The following PROK2 variants were observed in gnomAD, a reference collection of about 807,000 sequenced individuals.
PROK2 encodes the protein prokineticin-2.
In PROK2, 8 loss-of-function variants were observed where a neutral mutation model predicts 14.2. The ratio of observed to expected loss-of-function variants is 0.56; its 90% confidence interval spans 0.33 to 1.02. PROK2 has a LOEUF of 1.02. Among genes scored for constraint, PROK2 ranks in the 50% least tolerant of loss-of-function variants. PROK2 has a pLI of 0.03. For synonymous variants in PROK2, 59 were observed against 60.7 expected (o/e 0.97, Z 0.13); for missense variants, 154 against 160.4 (o/e 0.96, Z 0.22).
chr3:71,784,756 C>T (rs2050198034), intron 1 of PROK2, among the ~76,000 whole-genome samples: 1 of 152,208 alleles, frequency 6.6e-6, no homozygotes, highest in Non-Finnish European at 1.5e-5. Flanking sequence ...TCTTCCAGGA[C>T]GCGCCCAGTG....
chr3:71,776,574 T>C (rs1392299868), intron 2 of PROK2, among the ~76,000 whole-genome samples: 3 of 151,996 alleles, frequency 2.0e-5, no homozygotes, highest in African/African-American at 7.3e-5. Context: ...GACAGGGTTT[T>C]GCCATGTTGC....
In PROK2 at chr3:71,772,448, G is replaced by T. The variant is rs1438063867; in HGVS notation, c.*276C>A. On this transcript the variant is annotated 3_prime_UTR_variant, in exon 4 of 4. Transcript: ENST00000295619. ...TTTTTGTGAAAATGGGTACGTTTTT[G>T]ACATTTAAGAAAAAAGCCAAATCAA... 3.0e-5 allele frequency: 11 copies of T among 361,922 alleles called. No homozygotes were observed. Among genetic ancestry groups the T allele is most frequent in the Admixed American group, 1.8e-4 (4 of 22,728 alleles). 22.4% of individuals were successfully genotyped at this position (361,922 alleles called of 1,614,324 possible). A position where few individuals can be genotyped will look rare whatever the true frequency, so the allele number is the denominator to read the frequency against.
intron 2 of PROK2, among the ~76,000 whole-genome samples, chr3:71,780,310 G>T (rs1441903370): frequency 6.6e-6 from 1 of 152,226 alleles, no homozygotes; most frequent in Non-Finnish European, 1.5e-5. Context: ...GGGCCAAGGG[G>T]CCACAATTTA....
intron 1 of PROK2, among the ~76,000 whole-genome samples, chr3:71,783,747 C>T (rs951078171): frequency 2.6e-5 from 4 of 152,124 alleles, no homozygotes; most frequent in African/African-American, 9.7e-5. Flanking sequence ...TTAGAAAGAC[C>T]TGCAAAAAGT....
At chr3:71,783,418 T>C (rs2050184157) in intron 1 of PROK2, among the ~76,000 whole-genome samples, 1 of 152,132 alleles carries the variant, frequency 6.6e-6, no homozygotes. Flanking sequence ...CACATAACTA[T>C]ATAATAAGCC....
At chr3:71,778,978 C>G (rs2050141281) in intron 2 of PROK2, among the ~76,000 whole-genome samples, 1 of 152,152 alleles carries the variant, frequency 6.6e-6, no homozygotes, top group Non-Finnish European at 1.5e-5. Flanking sequence ...AAAACAGAAC[C>G]AAAGAGATGT....
In PROK2 at chr3:71,772,560, A is replaced by T. The variant is rs1027921914; in HGVS notation, c.*164T>A. The T allele has an allele frequency of 3.5e-4, 41 of 118,072 alleles. No individual in the cohort carries two copies. The highest frequency in any genetic ancestry group is 9.1e-4 in the East Asian group (4 of 4,372). The allele number at this position is 118,072 out of a possible 1,614,324, so 7.3% of individuals were successfully genotyped here. ...TCCAAAAGTAAAATTCTCTTTCGAT[A>T]AAAAAAAAAAAAAATCATTTACAAA... On this transcript the variant is annotated 3_prime_UTR_variant, in exon 4 of 4. Transcript: ENST00000295619.
Position 71,772,688 on chromosome 3 carries a change from T to C in PROK2, c.*36A>G, listed in dbSNP as rs780000156. The C allele has an allele frequency of 6.4e-7, 1 of 1,552,406 alleles. No homozygotes were observed. The highest frequency in any genetic ancestry group is 1.1e-5 in the South Asian group (1 of 89,834). On this transcript the variant is annotated 3_prime_UTR_variant, in exon 4 of 4. Coordinates refer to ENST00000295619, the MANE Select transcript of PROK2 (RefSeq NM_001126128.2). ...CACAAGTAAGACTTTACAGGTAAGA[T>C]GTGGCTATTCACATTTGGTTTCTAC...
At chr3:71,776,311 A>G (rs2050117916) in intron 2 of PROK2, among the ~76,000 whole-genome samples, 1 of 141,420 alleles carries the variant, frequency 7.1e-6, no homozygotes. Flanking sequence ...AAAAACCATG[A>G]TTCCTTTTCT....
At chr3:71,776,472 G>A (rs2050121090) in intron 2 of PROK2, among the ~76,000 whole-genome samples, 1 of 141,946 alleles carries the variant, frequency 7.0e-6, no homozygotes, top group African/African-American at 2.6e-5. Flanking sequence ...CAGCCTCCCA[G>A]GTTCAAGTGA....
At chr3:71,778,903 A>C (rs751060987) in intron 2 of PROK2, among the ~76,000 whole-genome samples, 2 of 152,276 alleles carry the variant, frequency 1.3e-5, no homozygotes, top group South Asian at 4.1e-4. Flanking sequence ...CCAGAAATAC[A>C]TTTCAAGTGA....
In PROK2 at chr3:71,772,559, T is replaced by TAAAAA; in HGVS notation, c.*160_*164dup. ...ATCCAAAAGTAAAATTCTCTTTCGA[T>TAAAAA]AAAAAAAAAAAAAAATCATTTACAA... On this transcript the variant is annotated 3_prime_UTR_variant, in exon 4 of 4. Coordinates refer to ENST00000295619, the MANE Select transcript of PROK2 (RefSeq NM_001126128.2). 1 of 601,418 alleles carries TAAAAA rather than the reference T, an allele frequency of 1.7e-6. No homozygotes were observed. Among genetic ancestry groups the TAAAAA allele is most frequent in the Admixed American group, 3.3e-5 (1 of 30,440 alleles). The allele number at this position is 601,418 out of a possible 1,614,324, so 37.3% of individuals were successfully genotyped here.
intron 2 of PROK2, among the ~76,000 whole-genome samples, chr3:71,778,782 G>A (rs2050139887): frequency 6.6e-6 from 1 of 152,060 alleles, no homozygotes; most frequent in Non-Finnish European, 1.5e-5. Context: ...AATTTCATCT[G>A]GAACAAGTAC....
At chr3:71,777,901 C>A (rs1231481025) in intron 2 of PROK2, among the ~76,000 whole-genome samples, 1 of 150,762 alleles carries the variant, frequency 6.6e-6, no homozygotes, top group Non-Finnish European at 1.5e-5. Context: ...TCAGTTAAGT[C>A]ATTCTTAAGT....
At chr3:71,780,060 G>A (rs1578411870) in intron 2 of PROK2, among the ~76,000 whole-genome samples, 1 of 152,156 alleles carries the variant, frequency 6.6e-6, no homozygotes, top group South Asian at 2.1e-4. Flanking sequence ...CCCTCTTCTA[G>A]GGAAGTTTGG....
At chr3:71,776,785 T>C (rs374810396) in intron 2 of PROK2, among the ~76,000 whole-genome samples, 7 of 152,154 alleles carry the variant, frequency 4.6e-5, no homozygotes, top group African/African-American at 1.7e-4. Context: ...CTAACAGGCG[T>C]CTCATAATCA....
intron 2 of PROK2, 60 bp from the exon 3 acceptor site, chr3:71,774,567 T>C: frequency 6.5e-7 from 1 of 1,537,246 alleles, no homozygotes; most frequent in Non-Finnish European, 8.8e-7. Flanking sequence ...AAAGAGGCAA[T>C]GGGAGGGCAG....
intron 2 of PROK2, among the ~76,000 whole-genome samples, chr3:71,779,288 T>A (rs1276198423): frequency 6.6e-6 from 1 of 152,220 alleles, no homozygotes; most frequent in East Asian, 1.9e-4. Flanking sequence ...AAGCGTGTAA[T>A]GATTAAGACC....
intron 2 of PROK2, among the ~76,000 whole-genome samples, chr3:71,780,320 A>G (rs2050151692): frequency 6.6e-6 from 1 of 152,218 alleles, no homozygotes; most frequent in East Asian, 1.9e-4. Context: ...GCCACAATTT[A>G]TTTCATTCTG....
Sources: allele counts gnomAD v4.1 joint callset (sites outside exome capture counted in the v4.1 genomes callset), GRCh38; gene constraint gnomAD v4.1.1; transcripts MANE v1.5; gene names NCBI Gene and HGNC (gene_info 2026-07-23, HGNC 2026-07-21).